Variants in ARRB2 observed in about 807,000 individuals in gnomAD.
ARRB2 encodes beta-arrestin-2.
ARRB2 carries 21 observed loss-of-function variants against 53.4 expected under a neutral mutation model. That is an observed-to-expected ratio of 0.39 (90% CI 0.28 to 0.57). The LOEUF (loss-of-function observed/expected upper bound fraction) is 0.57, where lower values mean the gene tolerates loss of function less well. Ranked by LOEUF, ARRB2 falls within the 20% of genes least tolerant of loss-of-function variation. ARRB2 has a pLI of 0.55. For missense variants in ARRB2, 369 were observed against 527.5 expected, an observed-to-expected ratio of 0.70 and a Z score of 2.94; for synonymous variants, 180 against 212.9, an observed-to-expected ratio of 0.85 and a Z score of 1.34.
At position 4,717,895 on chromosome 17, in the gene ARRB2, G is replaced by T; in HGVS notation, c.493G>T (p.Val165Leu). ...LEEKSHKRNS[V>L]RLVIRKVQFA... ...CCCCTACTCTGATCCCAGGAACTCT[G>T]TGCGGCTGGTGATCCGAAAGGTGCA... is the stretch of plus-strand genomic sequence containing the variant. The change falls in exon 8 of 15, where the codon GTG (valine) becomes TTG (leucine). Residue 165 changes from valine (V) to leucine (L), a missense_variant. Coordinates refer to ENST00000269260, the MANE Select transcript of ARRB2 (RefSeq NM_004313.4). The surrounding 1 kb of genome is among the most constrained non-coding windows in gnomAD (Gnocchi z 6.0). 2 of 1,614,048 alleles carry T rather than the reference G, an allele frequency of 1.2e-6. No homozygotes were observed. Among genetic ancestry groups the T allele is most frequent in the South Asian group, 2.2e-5 (2 of 91,084 alleles).
rs1567683941 is a variant in ARRB2 at position 4,717,664 on chromosome 17, G to A, written c.418-21G>A. The A allele has an allele frequency of 7.4e-6, 12 of 1,614,012 alleles. No homozygotes were observed. Among genetic ancestry groups the A allele is most frequent in the Non-Finnish European group, 9.3e-6 (11 of 1,179,996 alleles). On this transcript the variant is annotated intron_variant, in intron 6 of 14. Transcript: ENST00000269260. This position sits in a 1 kb window ranked among gnomAD's most constrained non-coding sequence, Gnocchi z 6.0. ...TGGCGGGAGCCTCCGGTAAGATGTG[G>A]CCTTTTCTCCCCTCCCCGAGGCCTG...
Position 4,717,835 on chromosome 17 carries a change from G to T in ARRB2, c.486-53G>T. On this transcript the variant is annotated intron_variant, in intron 7 of 14. Transcript: ENST00000269260. The surrounding 1 kb of genome is among the most constrained non-coding windows in gnomAD (Gnocchi z 6.0). ...AGCCCAGGCCCCGTGCGGGGGAGGA[G>T]TAGGGTTGGGGTGTGTGAGGAATGA... The T allele has an allele frequency of 6.2e-7, 1 of 1,613,694 alleles. No individual in the cohort carries two copies. The highest frequency in any genetic ancestry group is 1.3e-5 in the African/African-American group (1 of 75,038).
At chr17:4,714,967 G>T in intron 1 of ARRB2, 46 bp from the exon 2 acceptor site, 2 of 1,573,584 alleles carry the variant, frequency 1.3e-6, no homozygotes, top group Non-Finnish European at 1.7e-6. Flanking sequence ...TGGGGTCCCT[G>T]CTGAGTCTGA....
At chr17:4,719,701 G>A (rs1460452738) in intron 11 of ARRB2, among the ~76,000 whole-genome samples, 1 of 152,158 alleles carries the variant, frequency 6.6e-6, no homozygotes, top group Non-Finnish European at 1.5e-5. Flanking sequence ...AAGCAATGTG[G>A]GTGAGCAGGA....
Position 4,718,213 on chromosome 17 carries a change from G to A in ARRB2, c.622-48G>A. On this transcript the variant is annotated intron_variant, in intron 8 of 14. Coordinates refer to ENST00000269260, the MANE Select transcript of ARRB2 (RefSeq NM_004313.4). Reference sequence around the variant, plus strand: ...GTGTTTGGGGACACACTGATGATGGGAACAGTGAAAACCAGTTCCAATTCA... The same window carrying A: ...GTGTTTGGGGACACACTGATGATGGAAACAGTGAAAACCAGTTCCAATTCA... 1.9e-6 allele frequency: 3 copies of A among 1,573,764 alleles called. No homozygotes were observed. The South Asian group carries it at 3.4e-5, about 18-fold the overall frequency.
rs1267991725 is a variant in ARRB2 at position 4,716,926 on chromosome 17, C to T, written c.358-291C>T. On this transcript the variant is annotated intron_variant, in intron 5 of 14. Transcript: ENST00000269260. ...CTTGGTTCACTGCAACCTCCGCCTC[C>T]CAGGTTCAAGTGATTCTTATGCCTC... The T allele has an allele frequency of 5.0e-6, 3 of 596,252 alleles. No homozygotes were observed. The African/African-American group carries it at 5.6e-5, about 11-fold the overall frequency. The allele number at this position is 596,252 out of a possible 1,614,324, so 36.9% of individuals were successfully genotyped here. A position where few individuals can be genotyped will look rare whatever the true frequency, so the allele number is the denominator to read the frequency against.
Position 4,718,280 on chromosome 17 carries a change from C to T in ARRB2, c.641C>T (p.Pro214Leu). Residue 214 changes from proline (P) to leucine (L), a missense_variant, in exon 9 of 15, where the codon CCC (proline) becomes CTC (leucine). Coordinates refer to ENST00000269260, the MANE Select transcript of ARRB2 (RefSeq NM_004313.4). The part of the protein sequence containing the change: ...LDKELYYHGE[P>L]LNVNVHVTNN... ...CAAAAGCTGTACTACCATGGGGAGC[C>T]CCTCAATGTAAATGTCCACGTCACC... The T allele has an allele frequency of 6.2e-7, 1 of 1,612,112 alleles. No homozygotes were observed. Among genetic ancestry groups the T allele is most frequent in the South Asian group, 1.1e-5 (1 of 90,582 alleles).
In ARRB2 at chr17:4,718,658, G is replaced by A. The variant is rs368522371; in HGVS notation, c.753G>A (p.Lys251=). 3 of 1,613,700 alleles carry A rather than the reference G, an allele frequency of 1.9e-6. No homozygotes were observed. The highest frequency in any genetic ancestry group is 2.5e-6 in the Non-Finnish European group (3 of 1,179,982). ...GCCTCTTCAGCACCGCCCAGTACAA[G>A]TGTCCTGTGGCTCAACTCGAACAAG... ...DICLFSTAQY[K]CPVAQLEQDD... is the part of the protein sequence containing the mutation. The change falls in exon 10 of 15, where the codon AAG becomes AAA. Residue 251 remains lysine (K), a synonymous_variant. Coordinates refer to ENST00000269260, the MANE Select transcript of ARRB2 (RefSeq NM_004313.4).
chr17:4,712,238 C>G (rs1914481004), intron 1 of ARRB2, among the ~76,000 whole-genome samples: 1 of 152,258 alleles, frequency 6.6e-6, no homozygotes. Context: ...GGTGTTTATT[C>G]TAGCGGCTAC....
chr17:4,715,641 A>G, intron 2 of ARRB2: 1 of 404,646 alleles, frequency 2.5e-6, no homozygotes, highest in Middle Eastern at 7.3e-4. Flanking sequence ...GAGGACACAC[A>G]CAGACACACA....
Position 4,717,930 on chromosome 17 carries a change from G to C in ARRB2, c.528G>C (p.Pro176=). 3 of 1,613,812 alleles carry C rather than the reference G, an allele frequency of 1.9e-6. No homozygotes were observed. Among genetic ancestry groups the C allele is most frequent in the Non-Finnish European group, 2.5e-6 (3 of 1,180,022 alleles). ...TGATCCGAAAGGTGCAGTTCGCCCC[G>C]GAGAAACCCGGCCCCCAGCCTTCAG... ...RLVIRKVQFA[P]EKPGPQPSAE... is the part of the protein sequence containing the mutation. Residue 176 remains proline, a synonymous_variant, in exon 8 of 15, where the codon CCG becomes CCC. Coordinates refer to ENST00000269260, the MANE Select transcript of ARRB2 (RefSeq NM_004313.4). The surrounding 1 kb of genome is among the most constrained non-coding windows in gnomAD (Gnocchi z 6.0).
At chr17:4,716,104 G>C in intron 3 of ARRB2, 43 bp from the exon 4 acceptor site, 1 of 1,614,176 alleles carries the variant, frequency 6.2e-7, no homozygotes, top group Non-Finnish European at 8.5e-7. Context: ...GGAAAGCGGG[G>C]AGCGGCCCTT....
At position 4,720,317 on chromosome 17, in the gene ARRB2, G is replaced by A. The variant is rs774137559; in HGVS notation, c.1001+18G>A. 1 of 1,613,882 alleles carries A rather than the reference G, an allele frequency of 6.2e-7. No individual in the cohort carries two copies. ...CGAGGCGGGTGAGTGTCATGGGGGA[G>A]CCTGGGTGGGGGTCACACTGGCTCT... On this transcript the variant is annotated intron_variant, in intron 12 of 14. Transcript: ENST00000269260.
In ARRB2 at chr17:4,721,038, A is replaced by G; in HGVS notation, c.1229A>G (p.Ter410TrpextTer15). 6.3e-7 allele frequency: 1 copy of G among 1,588,716 alleles called. No homozygotes were observed. Among genetic ancestry groups the G allele is most frequent in the Non-Finnish European group, 8.6e-7 (1 of 1,157,142 alleles). The change falls in exon 15 of 15, where the codon TAG becomes TGG. Residue 410 changes from the stop codon to tryptophan, a stop_lost. Transcript: ENST00000269260. This position sits in a 1 kb window ranked among gnomAD's most constrained non-coding sequence, Gnocchi z 4.2. The stretch of plus-strand genomic sequence containing the variant: ...GACGACTATGATGATCAACTCTGCT[A>G]GGAAGCGGGGTGGGAAGAAGGGAGG... ...KDDDYDDQLC[*>W]
chr17:4,717,045 G>T lies in ARRB2; in HGVS notation c.358-172G>T, dbSNP rs1053272053. On this transcript the variant is annotated intron_variant, in intron 5 of 14. Transcript: ENST00000269260. This position sits in a 1 kb window ranked among gnomAD's most constrained non-coding sequence, Gnocchi z 6.0. Reference sequence around the variant, plus strand: ...GATGGGGTTTTGCCACGTTGGTCAGGCTGGTCTGGAACCCCTGACCTCAGG... The same window carrying T: ...GATGGGGTTTTGCCACGTTGGTCAGTCTGGTCTGGAACCCCTGACCTCAGG... The T allele has an allele frequency of 1.4e-6, 1 of 727,856 alleles. No individual in the cohort carries two copies. Among genetic ancestry groups the T allele is most frequent in the South Asian group, 1.6e-5 (1 of 62,532 alleles). The allele number at this position is 727,856 out of a possible 1,614,324, so 45.1% of individuals were successfully genotyped here. A position where few individuals can be genotyped will look rare whatever the true frequency, so the allele number is the denominator to read the frequency against.
At chr17:4,718,484 T>C in intron 9 of ARRB2, 128 bp from the exon 10 acceptor site, 1 of 1,209,082 alleles carries the variant, frequency 8.3e-7, no homozygotes, top group East Asian at 2.3e-5. Context: ...TCCATAATGA[T>C]ACGGGGAGCC....
At chr17:4,714,983 G>A (rs1247623511) in intron 1 of ARRB2, 30 bp from the exon 2 acceptor site, 1 of 1,586,802 alleles carries the variant, frequency 6.3e-7, no homozygotes, top group Non-Finnish European at 8.6e-7. Context: ...TCTGAGGGAG[G>A]CAGTGGGGTT....
Position 4,718,279 on chromosome 17 carries a change from C to A in ARRB2, c.640C>A (p.Pro214Thr). 1 of 1,612,002 alleles carries A rather than the reference C, an allele frequency of 6.2e-7. No individual in the cohort carries two copies. The highest frequency in any genetic ancestry group is 8.5e-7 in the Non-Finnish European group (1 of 1,179,092). ...CCAAAAGCTGTACTACCATGGGGAG[C>A]CCCTCAATGTAAATGTCCACGTCAC... ...LDKELYYHGE[P>T]LNVNVHVTNN... The change falls in exon 9 of 15, where the codon CCC (proline) becomes ACC (threonine). Residue 214 changes from proline to threonine, a missense_variant. By Grantham distance (38) the Pro-to-Thr change is conservative. Transcript: ENST00000269260.
Position 4,714,942 on chromosome 17 carries a change from G to A in ARRB2, c.24-71G>A, listed in dbSNP as rs1025792536. Reference sequence around the variant, plus strand: ...AGCACTGCTTCTCAGGCCTGGGAGGGAGAGGGTCCTGGTGTGGGGTCCCTG... The same window carrying A: ...AGCACTGCTTCTCAGGCCTGGGAGGAAGAGGGTCCTGGTGTGGGGTCCCTG... On this transcript the variant is annotated intron_variant, in intron 1 of 14. Coordinates refer to ENST00000269260, the MANE Select transcript of ARRB2 (RefSeq NM_004313.4). 5 of 1,510,820 alleles carry A rather than the reference G, an allele frequency of 3.3e-6. No homozygotes were observed. The African/African-American group carries it at 6.8e-5, about 21-fold the overall frequency. The allele number at this position is 1,510,820 out of a possible 1,614,324, so 93.6% of individuals were successfully genotyped here. A position where few individuals can be genotyped will look rare whatever the true frequency, so the allele number is the denominator to read the frequency against.
Sources: gnomAD v4.1 joint callset for allele counts (sites outside exome capture counted in the v4.1 genomes callset) on GRCh38, gnomAD v4.1.1 for gene constraint, Gnocchi (gnomAD v3.1) non-coding constraint, MANE v1.5 for transcripts, NCBI Gene and HGNC (gene_info 2026-07-23, HGNC 2026-07-21) for gene names.